Variants in RALGPS2 observed in about 807,000 individuals in gnomAD.
RALGPS2 encodes ras-specific guanine nucleotide-releasing factor RalGPS2.
In RALGPS2, 43 loss-of-function variants were observed where a neutral mutation model predicts 86.8. The ratio of observed to expected loss-of-function variants is 0.50; its 90% CI spans 0.39 to 0.64. The LOEUF (loss-of-function observed/expected upper bound fraction) is 0.64. Ranked by LOEUF, RALGPS2 falls within the 30% of genes least tolerant of loss-of-function variation. The pLI is 0.00. For synonymous variants in RALGPS2, 243 were observed against 231.3 expected, an observed-to-expected ratio of 1.05 and a Z score of -0.46; for missense variants, 536 against 694.6, an observed-to-expected ratio of 0.77 and a Z score of 2.57.
At position 178,776,677 on chromosome 1, in the gene RALGPS2, TACAGG is replaced by T; in HGVS notation, c.-83-3_-82del. ...CATTTGCTTAACTTTTTTTTTTTTT[TACAGG>T]AATAATGTATTTGTGGCCTTGGACA... is the stretch of plus-strand genomic sequence containing the variant. On this transcript the variant is annotated splice_acceptor_variant and splice_polypyrimidine_tract_variant and 5_prime_UTR_variant and intron_variant, in exon 2 of 20. Coordinates refer to ENST00000367635, the MANE Select transcript of RALGPS2 (RefSeq NM_152663.5). LOFTEE classifies it low-confidence loss of function (5UTR_SPLICE). 1 of 852,036 alleles carries T rather than the reference TACAGG, an allele frequency of 1.2e-6. No individual in the cohort carries two copies. The allele number at this position is 852,036 out of a possible 1,614,324, so 52.8% of individuals were successfully genotyped here.
At chr1:178,875,161 G>C (rs1658944460) in intron 8 of RALGPS2, among the ~76,000 whole-genome samples, 1 of 152,162 alleles carries the variant, frequency 6.6e-6, no homozygotes. Flanking sequence ...TGTATTACCA[G>C]TTTTCAACAG....
At position 178,818,137 on chromosome 1, in the gene RALGPS2, G is replaced by A. The variant is rs571851084; in HGVS notation, c.388-3475G>A. ...GCACTCTGGAAGGCCAAGGCGGGCA[G>A]ATCACCTGAGGTCAGGAGTTTGAGA... is the stretch of plus-strand genomic sequence containing the variant. On this transcript the variant is annotated intron_variant, in intron 6 of 19. Coordinates refer to ENST00000367635, the MANE Select transcript of RALGPS2 (RefSeq NM_152663.5). Among the ~76,000 whole-genome samples, 35 of 152,306 alleles carry A rather than the reference G, an allele frequency of 2.3e-4. 1 individual carries two copies. The South Asian group carries it at 7.2e-3, about 32-fold the overall frequency.
At chr1:178,852,682 C>T in intron 8 of RALGPS2, 8 of 1,610,114 alleles carry the variant, frequency 5.0e-6, no homozygotes, top group Non-Finnish European at 6.8e-6. Context: ...TTCATACTTA[C>T]CTGCATACAT....
At chr1:178,790,244 C>G (rs1653887975) in intron 4 of RALGPS2, among the ~76,000 whole-genome samples, 1 of 152,144 alleles carries the variant, frequency 6.6e-6, no homozygotes, top group Non-Finnish European at 1.5e-5. Context: ...AGCCACTGCG[C>G]CCAGCCAATA....
chr1:178,806,210 G>C (rs1021836573), intron 4 of RALGPS2, among the ~76,000 whole-genome samples: 2 of 152,084 alleles, frequency 1.3e-5, no homozygotes, highest in Admixed American at 1.3e-4. Flanking sequence ...GTACATAGAA[G>C]ACAAATTCTC....
At position 178,886,002 on chromosome 1, in the gene RALGPS2, G is replaced by A. The variant is rs1202830494; in HGVS notation, c.1074G>A (p.Lys358=). Residue 358 remains lysine (K), a synonymous_variant, in exon 13 of 20, where the codon AAG becomes AAA. Transcript: ENST00000367635. ...FIHKMNTAEF[K]SATFPNAGPR... ...ATAAAATGAACACAGCAGAATTTAA[G>A]AGTGCAACGTTTCCAAATGCAGGAC... 8.7e-6 allele frequency: 14 copies of A among 1,609,548 alleles called. No individual in the cohort carries two copies. Among genetic ancestry groups the A allele is most frequent in the Non-Finnish European group, 1.2e-5 (14 of 1,178,138 alleles).
At chr1:178,840,931 C>T (rs1394217403) in intron 8 of RALGPS2, among the ~76,000 whole-genome samples, 2 of 151,994 alleles carry the variant, frequency 1.3e-5, no homozygotes, top group African/African-American at 2.4e-5. Flanking sequence ...ACACATACAC[C>T]CTCCCAAGAC....
intron 1 of RALGPS2, among the ~76,000 whole-genome samples, chr1:178,727,838 C>CTTATCATTTAAGCCCCA (rs1368509413): frequency 6.6e-6 from 1 of 152,074 alleles, no homozygotes; most frequent in Non-Finnish European, 1.5e-5. Context: ...CACAACAGGG[C>CTTATCATTTAAGCCCCA]TTATCATTTA....
intron 1 of RALGPS2, among the ~76,000 whole-genome samples, chr1:178,768,265 G>T (rs1267926387): frequency 6.6e-6 from 1 of 152,138 alleles, no homozygotes; most frequent in Non-Finnish European, 1.5e-5. Context: ...ATTTTTCATG[G>T]TGCAGAATCC....
chr1:178,882,656 T>C (rs1007019827), intron 10 of RALGPS2, among the ~76,000 whole-genome samples: 2 of 152,236 alleles, frequency 1.3e-5, no homozygotes, highest in African/African-American at 4.8e-5. Context: ...CTTCGTGTAT[T>C]ACACCAAAGC....
chr1:178,909,052 C>T (rs1572474513), intron 19 of RALGPS2, among the ~76,000 whole-genome samples: 1 of 152,248 alleles, frequency 6.6e-6, no homozygotes, highest in East Asian at 1.9e-4. Context: ...GCATTTAAGT[C>T]TTTAATCCAT....
intron 2 of RALGPS2, among the ~76,000 whole-genome samples, chr1:178,778,836 T>C (rs1653237446): frequency 6.6e-6 from 1 of 152,056 alleles, no homozygotes; most frequent in South Asian, 2.1e-4. Context: ...TAGGTGGGAA[T>C]TGAACAATGA....
At chr1:178,886,368 G>A (rs1659485048) in intron 13 of RALGPS2, among the ~76,000 whole-genome samples, 1 of 152,208 alleles carries the variant, frequency 6.6e-6, no homozygotes. Flanking sequence ...TTAGTTAACT[G>A]CATGTGATTT....
chr1:178,865,259 C>T (rs1438444385), intron 8 of RALGPS2: 5 of 1,613,958 alleles, frequency 3.1e-6, no homozygotes, highest in Non-Finnish European at 4.2e-6. Flanking sequence ...CTCTAGTTCC[C>T]TGTATCTTGT....
intron 18 of RALGPS2, among the ~76,000 whole-genome samples, chr1:178,903,408 A>G (rs1220533980): frequency 3.3e-5 from 5 of 152,046 alleles, no homozygotes; most frequent in African/African-American, 4.8e-5. Context: ...TACATGAGTA[A>G]GTTGTTTAGT....
intron 4 of RALGPS2, among the ~76,000 whole-genome samples, chr1:178,798,397 T>C (rs1654308194): frequency 6.6e-6 from 1 of 152,224 alleles, no homozygotes; most frequent in Non-Finnish European, 1.5e-5. Flanking sequence ...AATTGTGTTA[T>C]GACGTTAAAA....
At chr1:178,753,410 A>G (rs1651783794) in intron 1 of RALGPS2, among the ~76,000 whole-genome samples, 1 of 152,144 alleles carries the variant, frequency 6.6e-6, no homozygotes, top group African/African-American at 2.4e-5. Context: ...AATGCACCCT[A>G]AGTTGAGATC....
At chr1:178,846,896 A>G (rs1419975436) in intron 8 of RALGPS2, among the ~76,000 whole-genome samples, 4 of 152,334 alleles carry the variant, frequency 2.6e-5, no homozygotes, top group Middle Eastern at 3.4e-3. Flanking sequence ...TGTACTTTAT[A>G]TAGATTATCT....
chr1:178,836,478 A>G (rs1030988236), intron 8 of RALGPS2, among the ~76,000 whole-genome samples: 6 of 152,234 alleles, frequency 3.9e-5, no homozygotes, highest in African/African-American at 1.2e-4. Context: ...ACTTAAGCCA[A>G]TTTAAAAGTA....
Sources: allele counts gnomAD v4.1 joint callset (sites outside exome capture counted in the v4.1 genomes callset), GRCh38; gene constraint gnomAD v4.1.1; transcripts MANE v1.5; gene names NCBI Gene and HGNC (gene_info 2026-07-23, HGNC 2026-07-21).